Variants in RFX3 observed in about 807,000 individuals in gnomAD.
The protein encoded by RFX3 is transcription factor RFX3.
Under a neutral mutation model 98.6 loss-of-function variants are expected in RFX3, and 14 were observed. The ratio of observed to expected loss-of-function variants is 0.14; its 90% CI spans 0.09 to 0.22. The LOEUF (loss-of-function observed/expected upper bound fraction) is 0.22, where lower values mean the gene tolerates loss of function less well. RFX3 is among the 10% of genes least tolerant of loss of function. The probability of loss-of-function intolerance (pLI) is 1.00; values close to 1 mark genes in which losing one functional copy is unlikely to be tolerated. For missense variants in RFX3, 639 were observed against 926.9 expected, an observed-to-expected ratio of 0.69 and a Z score of 4.03; for synonymous variants, 383 against 328.4, an observed-to-expected ratio of 1.17 and a Z score of -1.80.
chr9:3,521,979 T>C (rs938675162), intron 1 of RFX3, among the ~76,000 whole-genome samples: 4 of 151,994 alleles, frequency 2.6e-5, no homozygotes, highest in African/African-American at 9.7e-5. Flanking sequence ...CACTTAAAAA[T>C]AGAATATTCA....
Position 3,279,739 on chromosome 9 carries a change from A to G in RFX3, c.852-2278T>C, listed in dbSNP as rs78000269. On this transcript the variant is annotated intron_variant, in intron 7 of 16. Transcript: ENST00000617270. ...CAAAATTGTCTGCTTCCTTAGGAAG[A>G]TGGAGACAGCTGTTAGTATTGCAAA... is the stretch of plus-strand genomic sequence containing the variant. Among the ~76,000 whole-genome samples, 24 of 152,006 alleles carry G rather than the reference A, an allele frequency of 1.6e-4. No homozygotes were observed. The East Asian group carries it at 4.6e-3, about 29-fold the overall frequency.
chr9:3,402,398 G>A (rs1264398855), intron 1 of RFX3, among the ~76,000 whole-genome samples: 1 of 151,964 alleles, frequency 6.6e-6, no homozygotes, highest in Admixed American at 6.6e-5. Context: ...AAGACAAAAG[G>A]TGCTAGTTCC....
At chr9:3,259,640 T>C (rs2131160713) in intron 13 of RFX3, among the ~76,000 whole-genome samples, 1 of 152,054 alleles carries the variant, frequency 6.6e-6, no homozygotes, top group Admixed American at 6.6e-5. Flanking sequence ...GCCCATAATG[T>C]AGATCTCAAA....
At chr9:3,256,261 T>C (rs562348536) in intron 14 of RFX3, among the ~76,000 whole-genome samples, 2 of 151,928 alleles carry the variant, frequency 1.3e-5, no homozygotes, top group Admixed American at 6.5e-5. Flanking sequence ...TAAGCCACCG[T>C]GCCCAGCCAC....
intron 3 of RFX3, among the ~76,000 whole-genome samples, chr9:3,335,327 C>G (rs1319933374): frequency 6.6e-6 from 1 of 151,972 alleles, no homozygotes; most frequent in Non-Finnish European, 1.5e-5. Flanking sequence ...AAAAAAGAAG[C>G]ACCAACGGCA....
intron 12 of RFX3, among the ~76,000 whole-genome samples, chr9:3,265,443 T>A (rs977740915): frequency 6.6e-6 from 1 of 152,284 alleles, no homozygotes; most frequent in Non-Finnish European, 1.5e-5. Context: ...ATTGCTCAAC[T>A]CTGCCCCCCG....
rs375592833 is a variant in RFX3 at position 3,295,364 on chromosome 9, TA to T, written c.550-2107del. Among the ~76,000 whole-genome samples the T allele has an allele frequency of 7.2e-5, 11 of 152,196 alleles. No homozygotes were observed. In the East Asian group the frequency reaches 1.7e-3, roughly 24 times the overall value. On this transcript the variant is annotated intron_variant, in intron 5 of 16. Transcript: ENST00000617270. Reference sequence around the variant, plus strand: ...CACTTGAGTGATGTTATGGCAGCCCTAGTGAGCTGTATTGTACAACAGTGCT... The same window carrying T: ...CACTTGAGTGATGTTATGGCAGCCCTGTGAGCTGTATTGTACAACAGTGCT...
At chr9:3,312,144 C>T (rs1474407432) in intron 4 of RFX3, among the ~76,000 whole-genome samples, 1 of 152,128 alleles carries the variant, frequency 6.6e-6, no homozygotes, top group Non-Finnish European at 1.5e-5. Flanking sequence ...ATAAGTATTG[C>T]TTCATGAAAC....
At chr9:3,498,775 A>C (rs1188426209) in intron 1 of RFX3, among the ~76,000 whole-genome samples, 1 of 152,120 alleles carries the variant, frequency 6.6e-6, no homozygotes, top group Non-Finnish European at 1.5e-5. Context: ...AAACCATGAC[A>C]ACTGTTTGTA....
Position 3,509,260 on chromosome 9 carries a change from A to G in RFX3, c.-9+16487T>C, listed in dbSNP as rs570171338. ...AGCTGGGCAAGTCTCAGCTTGTACCACCTATATCAGCTGCCAGTATTTTAC... is the reference window on the plus strand; with the variant it reads ...AGCTGGGCAAGTCTCAGCTTGTACCGCCTATATCAGCTGCCAGTATTTTAC... On this transcript the variant is annotated intron_variant, in intron 1 of 16. Coordinates refer to ENST00000617270, the MANE Select transcript of RFX3 (RefSeq NM_001282116.2). Among the ~76,000 whole-genome samples, 238 of 152,026 alleles carry G rather than the reference A, an allele frequency of 1.6e-3. 1 individual carries two copies. Among genetic ancestry groups the G allele is most frequent in the African/African-American group, 5.4e-3 (226 of 41,494 alleles).
At chr9:3,276,376 A>G (rs1422559536) in intron 8 of RFX3, among the ~76,000 whole-genome samples, 1 of 152,130 alleles carries the variant, frequency 6.6e-6, no homozygotes, top group East Asian at 1.9e-4. Flanking sequence ...CAATTAATGT[A>G]AGACATTTTG....
chr9:3,268,501 T>C lies in RFX3; in HGVS notation c.1357+1870A>G, dbSNP rs546365741. On this transcript the variant is annotated intron_variant, in intron 11 of 16. Coordinates refer to ENST00000617270, the MANE Select transcript of RFX3 (RefSeq NM_001282116.2). ...GCAGAAGATAGCTATCTAAATTGTA[T>C]TTTAAGCTTTACTTTGCTACACCTC... 7.9e-5 allele frequency among the ~76,000 whole-genome samples: 12 copies of C among 151,836 alleles called. No individual in the cohort carries two copies. In the East Asian group the frequency reaches 2.3e-3, roughly 30 times the overall value.
intron 15 of RFX3, among the ~76,000 whole-genome samples, chr9:3,240,686 A>G (rs540617435): frequency 2.0e-5 from 3 of 152,194 alleles, no homozygotes; most frequent in African/African-American, 4.8e-5. Flanking sequence ...AAAGAAAGAA[A>G]ACAATTCCTG....
Position 3,261,716 on chromosome 9 carries a change from C to A in RFX3, c.1605+1219G>T, listed in dbSNP as rs1264945929. On this transcript the variant is annotated intron_variant, in intron 13 of 16. Coordinates refer to ENST00000617270, the MANE Select transcript of RFX3 (RefSeq NM_001282116.2). ...ACTATATGTTTATCTTTTTGACAAA[C>A]TGCCACACTGTTTTCCAAAGTGGCT... is the stretch of plus-strand genomic sequence containing the variant. Among the ~76,000 whole-genome samples, 5 of 152,096 alleles carry A rather than the reference C, an allele frequency of 3.3e-5. No homozygotes were observed. The South Asian group carries it at 1.0e-3, about 32-fold the overall frequency.
chr9:3,319,576 A>T (rs1258556220), intron 4 of RFX3, among the ~76,000 whole-genome samples: 1 of 152,222 alleles, frequency 6.6e-6, no homozygotes, highest in Non-Finnish European at 1.5e-5. Flanking sequence ...ATATTATCAG[A>T]AGGTAAGCAC....
At chr9:3,379,192 C>T (rs929287402) in intron 2 of RFX3, among the ~76,000 whole-genome samples, 2 of 152,058 alleles carry the variant, frequency 1.3e-5, no homozygotes, top group African/African-American at 4.8e-5. Flanking sequence ...GGGAGAGACA[C>T]TAATTACCTG....
chr9:3,265,253 G>A (rs1026607019), intron 12 of RFX3, among the ~76,000 whole-genome samples: 11 of 152,158 alleles, frequency 7.2e-5, no homozygotes, highest in African/African-American at 2.2e-4. Flanking sequence ...ATAGCCACAC[G>A]TGGCTGGCCC....
At chr9:3,514,190 T>G (rs545024042) in intron 1 of RFX3, among the ~76,000 whole-genome samples, 1 of 152,174 alleles carries the variant, frequency 6.6e-6, no homozygotes, top group Non-Finnish European at 1.5e-5. Flanking sequence ...TCCCCTAATC[T>G]TTCTTTGCCT....
intron 11 of RFX3, among the ~76,000 whole-genome samples, chr9:3,270,081 G>GGAAAGAAAGAAAGAAAAAGAAAGAAA (rs1824193059): frequency 7.3e-6 from 1 of 137,776 alleles, no homozygotes; most frequent in African/African-American, 3.0e-5. Context: ...AGAGAAAGAA[G>GGAAAGAAAGAAAGAAAAAGAAAGAAA]GAAAGAAAGA....
Sources: gnomAD v4.1 joint callset for allele counts (sites outside exome capture counted in the v4.1 genomes callset) on GRCh38, gnomAD v4.1.1 for gene constraint, MANE v1.5 for transcripts, NCBI Gene and HGNC (gene_info 2026-07-23, HGNC 2026-07-21) for gene names.